The following ACTR3C variants were observed in gnomAD, a reference collection of about 807,000 sequenced individuals.
The protein encoded by ACTR3C is actin related protein 3C.
A neutral mutation model predicts 26.3 loss-of-function variants in ACTR3C; 18 were observed. That is an observed-to-expected ratio of 0.68 (90% confidence interval 0.47 to 1.01). The LOEUF (loss-of-function observed/expected upper bound fraction) is 1.01. Ranked by LOEUF, ACTR3C falls within the 50% of genes least tolerant of loss-of-function variation. ACTR3C has a pLI of 0.00. For synonymous variants in ACTR3C, 55 were observed against 94.5 expected, an observed-to-expected ratio of 0.58 and a Z score of 2.42; for missense variants, 184 against 250.7, an observed-to-expected ratio of 0.73 and a Z score of 1.80.
intron 6 of ACTR3C, among the ~76,000 whole-genome samples, chr7:150,277,268 G>A (rs3864522): frequency 0.099 from 15,006 of 152,116 alleles, 966 homozygotes; most frequent in African/African-American, 0.17. Flanking sequence ...GAGCCCAGGA[G>A]TTCGAGACCA....
At chr7:150,034,894 G>A in the ACTR3C span, among the ~76,000 whole-genome samples, 126 of 120,206 alleles carry the variant, frequency 1.0e-3, 4 homozygotes, top group Non-Finnish European at 1.7e-3. Flanking sequence ...CCTACCTCGC[G>A]GGGGGTGCCT....
At chr7:150,237,535 C>T in the ACTR3C span, among the ~76,000 whole-genome samples, 1 of 152,120 alleles carries the variant, frequency 6.6e-6, no homozygotes, top group African/African-American at 2.4e-5. Context: ...TAACAGCACA[C>T]CCTGTATTGG....
At chr7:150,323,413 C>T in intron 1 of ACTR3C, 56 bp downstream of exon 1, 1 of 306,646 alleles carries the variant, frequency 3.3e-6, no homozygotes. Context: ...GTGGTGGGCA[C>T]GCGGCCCAGG....
At chr7:150,147,119 AG>A in the ACTR3C span, among the ~76,000 whole-genome samples, 7 of 152,234 alleles carry the variant, frequency 4.6e-5, no homozygotes, top group East Asian at 1.3e-3. Context: ...CTCTTTGGAA[AG>A]GAGGTTCTCC....
At chr7:149,985,459 T>C in the ACTR3C span, among the ~76,000 whole-genome samples, 1 of 152,198 alleles carries the variant, frequency 6.6e-6, no homozygotes, top group East Asian at 1.9e-4. Context: ...AGAGCTTGAC[T>C]TGGGTTTTCT....
chr7:150,166,425 G>A, the ACTR3C span, among the ~76,000 whole-genome samples: 1 of 150,936 alleles, frequency 6.6e-6, no homozygotes, highest in Non-Finnish European at 1.5e-5. Flanking sequence ...TGGGCTGGGT[G>A]CTGTGGCTCA....
the ACTR3C span, among the ~76,000 whole-genome samples, chr7:150,178,167 G>C: frequency 1.3e-5 from 2 of 150,430 alleles, no homozygotes; most frequent in Non-Finnish European, 2.9e-5. Context: ...TTTCTGAAAG[G>C]CTGCTCCACT....
downstream of ACTR3C, among the ~76,000 whole-genome samples, chr7:150,239,540 CTATATATATA>C (rs869280836): frequency 2.2e-5 from 2 of 90,198 alleles, no homozygotes; most frequent in African/African-American, 1.2e-4. Context: ...CTCTCTCTCT[CTATATATATA>C]TATATATATA....
chr7:150,316,605 C>T (rs549850297), intron 1 of ACTR3C, among the ~76,000 whole-genome samples: 32 of 151,942 alleles, frequency 2.1e-4, no homozygotes, highest in Middle Eastern at 3.4e-3. Flanking sequence ...CCTGCCTCAG[C>T]CTCCTGAGCA....
the ACTR3C span, among the ~76,000 whole-genome samples, chr7:149,907,275 T>C: frequency 0.02 from 2,066 of 104,110 alleles, 85 homozygotes; most frequent in African/African-American, 0.073. Flanking sequence ...CTCACCTCCA[T>C]GCCACGCAGA....
At chr7:149,963,693 T>C in the ACTR3C span, among the ~76,000 whole-genome samples, 1 of 152,100 alleles carries the variant, frequency 6.6e-6, no homozygotes, top group South Asian at 2.1e-4. Context: ...CAGGAAGCAA[T>C]GCAAAGGGTG....
At chr7:150,181,780 A>G in the ACTR3C span, among the ~76,000 whole-genome samples, 22 of 150,826 alleles carry the variant, frequency 1.5e-4, 2 homozygotes, top group African/African-American at 4.7e-4. Context: ...GAAAAAGATC[A>G]ACAAATAGAA....
At chr7:150,174,609 T>C in the ACTR3C span, among the ~76,000 whole-genome samples, 93 of 137,672 alleles carry the variant, frequency 6.8e-4, 25 homozygotes, top group African/African-American at 3.0e-3. Context: ...AACAAGTCTG[T>C]GACAAAATTC....
chr7:150,038,088 C>T, the ACTR3C span, among the ~76,000 whole-genome samples: 1 of 141,194 alleles, frequency 7.1e-6, no homozygotes, highest in South Asian at 2.2e-4. Context: ...GGGGGTGCCT[C>T]CCCCCCTGTG....
the ACTR3C span, among the ~76,000 whole-genome samples, chr7:149,893,280 T>A: frequency 6.6e-6 from 1 of 152,228 alleles, no homozygotes; most frequent in Non-Finnish European, 1.5e-5. Flanking sequence ...CTGGCCCTTT[T>A]ATTCCTGCAT....
At chr7:150,292,499 A>AT (rs1836345803) in intron 3 of ACTR3C, among the ~76,000 whole-genome samples, 1 of 139,222 alleles carries the variant, frequency 7.2e-6, no homozygotes, top group African/African-American at 3.1e-5. Context: ...TTGGCTTTTA[A>AT]ATTTTTTTTT....
intron 3 of ACTR3C, 31 bp from the exon 4 acceptor site, chr7:150,289,624 G>A (rs1268759376): frequency 1.5e-5 from 23 of 1,565,746 alleles, no homozygotes; most frequent in Non-Finnish European, 1.7e-5. Context: ...GAACAGCTGT[G>A]TTAGTGATTT....
chr7:149,953,804 A>G, the ACTR3C span, among the ~76,000 whole-genome samples: 3 of 145,404 alleles, frequency 2.1e-5, no homozygotes, highest in Admixed American at 2.1e-4. Context: ...AGTGATCTCT[A>G]AATCCTAGGC....
chr7:150,263,993 C>T (rs906834048), intron 6 of ACTR3C, among the ~76,000 whole-genome samples: 18 of 152,350 alleles, frequency 1.2e-4, no homozygotes, highest in African/African-American at 4.1e-4. Flanking sequence ...CTAAGGCAGG[C>T]AGGGCCCTGG....
Sources: allele counts gnomAD v4.1 joint callset (sites outside exome capture counted in the v4.1 genomes callset), GRCh38; gene constraint gnomAD v4.1.1; transcripts MANE v1.5; gene names NCBI Gene and HGNC (gene_info 2026-07-23, HGNC 2026-07-21).